Variants in ADCY3 observed in about 807,000 individuals in gnomAD.
ADCY3 encodes the protein adenylate cyclase 3, also known as adenylate cyclase type 3.
ADCY3 carries 70 observed loss-of-function variants against 119.4 expected under a neutral mutation model. The observed-to-expected ratio is 0.59, with a 90% CI of 0.48 to 0.72. The LOEUF is 0.72. Ranked by LOEUF, ADCY3 falls within the 30% of genes least tolerant of loss-of-function variation. The probability of loss-of-function intolerance (pLI) is 0.00; values close to 1 mark genes in which losing one functional copy is unlikely to be tolerated. For synonymous variants in ADCY3, 672 were observed against 621.4 expected, an observed-to-expected ratio of 1.08 and a Z score of -1.21; for missense variants, 1,238 against 1,541.6, an observed-to-expected ratio of 0.80 and a Z score of 3.30.
At chr2:24,835,058 C>A in intron 9 of ADCY3, 122 bp from the exon 10 acceptor site, 1 of 1,288,858 alleles carries the variant, frequency 7.8e-7, no homozygotes, top group Admixed American at 2.3e-5. Flanking sequence ...ACCAATCCCT[C>A]CAGCTCTAAA....
intron 2 of ADCY3, among the ~76,000 whole-genome samples, chr2:24,894,995 C>CT (rs367997299): frequency 1.3e-5 from 2 of 151,864 alleles, no homozygotes; most frequent in African/African-American, 4.8e-5. Context: ...TGTCGTGTGT[C>CT]TTTTTTTTCC....
rs1226210761 is a variant in ADCY3, at chr2:24,841,860, A to G, written c.957-193T>C. ...GCTCTGACCTTGCACTTGTCCTAGC[A>G]GACTTCCCCTGCAGGCCTCCCTCCC... On this transcript the variant is annotated intron_variant, in intron 4 of 21. Transcript: ENST00000679454. This position sits in a 1 kb window ranked among gnomAD's most constrained non-coding sequence, Gnocchi z 5.8. 6.6e-6 allele frequency among the ~76,000 whole-genome samples: 1 copy of G among 152,066 alleles called. No individual in the cohort carries two copies. The highest frequency in any genetic ancestry group is 1.5e-5 in the Non-Finnish European group (1 of 67,982).
At chr2:24,844,400 C>A (rs1671426702) in intron 3 of ADCY3, among the ~76,000 whole-genome samples, 1 of 152,032 alleles carries the variant, frequency 6.6e-6, no homozygotes, top group Non-Finnish European at 1.5e-5. Context: ...GGGTCCCAGG[C>A]CACAGGAGCA....
chr2:24,886,164 C>G (rs567017773), intron 2 of ADCY3, among the ~76,000 whole-genome samples: 1 of 152,374 alleles, frequency 6.6e-6, no homozygotes, highest in African/African-American at 2.4e-5. Flanking sequence ...CCAGTCCCCA[C>G]TGTGTTCCCA....
chr2:24,854,359 A>T (rs1320538013), intron 3 of ADCY3, among the ~76,000 whole-genome samples: 1 of 152,232 alleles, frequency 6.6e-6, no homozygotes, highest in Non-Finnish European at 1.5e-5. Context: ...TGGGGGGTAC[A>T]GCAAAGCTCA....
chr2:24,843,240 TTTC>T (rs1323973643), intron 3 of ADCY3, among the ~76,000 whole-genome samples: 2 of 152,328 alleles, frequency 1.3e-5, no homozygotes, highest in Admixed American at 6.5e-5. Context: ...TGCTGCTGTC[TTTC>T]TTCTTTTTAT....
intron 3 of ADCY3, among the ~76,000 whole-genome samples, chr2:24,862,260 T>C (rs1000630959): frequency 6.6e-6 from 1 of 152,066 alleles, no homozygotes; most frequent in African/African-American, 2.4e-5. Flanking sequence ...AAAATCAATC[T>C]CGGTAGCCGG....
At chr2:24,848,557 C>T (rs1295455264) in intron 3 of ADCY3, among the ~76,000 whole-genome samples, 5 of 152,136 alleles carry the variant, frequency 3.3e-5, no homozygotes, top group African/African-American at 9.7e-5. Context: ...TCTCCCCAGC[C>T]GAGCTGGTCT....
In ADCY3 at chr2:24,826,163, A is replaced by G. The variant is rs1400452342; in HGVS notation, c.2496-37T>C. On this transcript the variant is annotated intron_variant, in intron 15 of 21. Transcript: ENST00000679454. ...AGCGTGTGCAACTGAAAGGGCTGTCATCTGCCTCCTGGAGGGGGCCTGATT... is the reference window on the plus strand; with the variant it reads ...AGCGTGTGCAACTGAAAGGGCTGTCGTCTGCCTCCTGGAGGGGGCCTGATT... 1.9e-6 allele frequency: 3 copies of G among 1,586,962 alleles called. No homozygotes were observed. The East Asian group carries it at 6.7e-5, about 36-fold the overall frequency.
intron 12 of ADCY3, 86 bp downstream of exon 12, chr2:24,831,572 CAGAA>C (rs1356997663): frequency 1.4e-5 from 15 of 1,043,608 alleles, no homozygotes; most frequent in Middle Eastern, 2.1e-4. Flanking sequence ...TCAGATTTGA[CAGAA>C]AGAATAACTC....
In ADCY3 at chr2:24,868,579, A is replaced by G. The variant is rs558765766; in HGVS notation, c.825+3991T>C. ...AACTCAGGAGGTAGAGGTTGCAGTG[A>G]GCCTAGACTGCGCCACTGAACTCCA... On this transcript the variant is annotated intron_variant, in intron 3 of 21. Transcript: ENST00000679454. 8.5e-5 allele frequency among the ~76,000 whole-genome samples: 13 copies of G among 152,270 alleles called. No homozygotes were observed. The East Asian group carries it at 2.3e-3, about 27-fold the overall frequency.
In ADCY3 at chr2:24,872,357, G is replaced by A. The variant is rs1675123781; in HGVS notation, c.825+213C>T. 1.3e-5 allele frequency among the ~76,000 whole-genome samples: 2 copies of A among 152,214 alleles called. No individual in the cohort carries two copies. The highest frequency in any genetic ancestry group is 4.1e-4 in the South Asian group (2 of 4,830). On this transcript the variant is annotated intron_variant, in intron 3 of 21. Transcript: ENST00000679454. The surrounding 1 kb of genome is among the most constrained non-coding windows in gnomAD (Gnocchi z 4.4). ...GAGGAGAGATCTGGGTCAAGCAGAA[G>A]CAGATTTAGGAGTGAGAGGCTCCCT...
intron 3 of ADCY3, among the ~76,000 whole-genome samples, chr2:24,871,961 G>A (rs1009366058): frequency 9.2e-5 from 14 of 152,220 alleles, no homozygotes; most frequent in South Asian, 2.1e-4. Flanking sequence ...GGGCATCCCC[G>A]GGGAACAGGC....
At chr2:24,820,158 C>G in intron 21 of ADCY3, 44 bp from the exon 22 acceptor site, 1 of 1,477,142 alleles carries the variant, frequency 6.8e-7, no homozygotes, top group Admixed American at 2.2e-5. Context: ...ACGGGGGGAG[C>G]CTAGACTGAG....
chr2:24,893,776 T>G (rs1435480944), intron 2 of ADCY3, among the ~76,000 whole-genome samples: 2 of 151,498 alleles, frequency 1.3e-5, no homozygotes, highest in African/African-American at 4.9e-5. Context: ...CCTGGCTAAC[T>G]TTAGTATTTT....
In ADCY3 at chr2:24,872,501, C is replaced by T. The variant is rs142516652; in HGVS notation, c.825+69G>A. The T allele has an allele frequency of 3.9e-3, 6,040 of 1,559,364 alleles. 24 individuals are homozygous for T. Among genetic ancestry groups the T allele is most frequent in the Non-Finnish European group, 4.8e-3 (5,487 of 1,150,918 alleles). The stretch of plus-strand genomic sequence containing the variant: ...GGAGCCAGGGGCTGCCGCTCTGGTT[C>T]CTCTCCCTCTGACAAGGCCACAGTC... On this transcript the variant is annotated intron_variant, in intron 3 of 21. Coordinates refer to ENST00000679454, the MANE Select transcript of ADCY3 (RefSeq NM_004036.5). The surrounding 1 kb of genome is among the most constrained non-coding windows in gnomAD (Gnocchi z 4.4).
intron 21 of ADCY3, 110 bp from the exon 22 acceptor site, chr2:24,820,224 A>T: frequency 8.3e-7 from 1 of 1,198,886 alleles, no homozygotes. Flanking sequence ...GGTCCCAAGC[A>T]GTACGGGACA....
chr2:24,828,541 A>G (rs532027280), intron 13 of ADCY3, among the ~76,000 whole-genome samples: 49 of 152,300 alleles, frequency 3.2e-4, no homozygotes, highest in Middle Eastern at 3.4e-3. Flanking sequence ...AGGAGGGGCC[A>G]CGGGACCATG....
chr2:24,830,616 G>A (rs1669354483), intron 13 of ADCY3, 93 bp downstream of exon 13: 1 of 906,158 alleles, frequency 1.1e-6, no homozygotes, highest in Admixed American at 2.1e-5. Context: ...GACGGTGGAG[G>A]GATGGACTGA....
Sources: gnomAD v4.1 joint callset for allele counts (sites outside exome capture counted in the v4.1 genomes callset) on GRCh38, gnomAD v4.1.1 for gene constraint, Gnocchi (gnomAD v3.1) non-coding constraint, MANE v1.5 for transcripts, NCBI Gene and HGNC (gene_info 2026-07-23, HGNC 2026-07-21) for gene names.